ST6GAL1: variants seen among roughly 807,000 people sequenced by gnomAD.
ST6GAL1 encodes beta-galactoside alpha-2,6-sialyltransferase 1.
ST6GAL1 carries 20 observed loss-of-function variants against 38.0 expected under a neutral mutation model. That is an observed-to-expected ratio of 0.53 (90% confidence interval 0.37 to 0.77). The LOEUF (loss-of-function observed/expected upper bound fraction) is 0.77, where lower values mean the gene tolerates loss of function less well. Among genes scored for constraint, ST6GAL1 ranks in the 30% least tolerant of loss-of-function variants. The pLI is 0.00. For missense variants in ST6GAL1, 432 were observed against 496.4 expected, an observed-to-expected ratio of 0.87 and a Z score of 1.23; for synonymous variants, 196 against 188.2, an observed-to-expected ratio of 1.04 and a Z score of -0.34.
At chr3:187,036,444 G>A (rs182661529) in intron 2 of ST6GAL1, among the ~76,000 whole-genome samples, 3 of 152,324 alleles carry the variant, frequency 2.0e-5, no homozygotes, top group East Asian at 3.9e-4. Context: ...AAAGAGACAT[G>A]CACTTGTGTG....
intron 2 of ST6GAL1, among the ~76,000 whole-genome samples, chr3:187,035,228 A>G (rs933051862): frequency 1.3e-5 from 2 of 152,238 alleles, no homozygotes; most frequent in Admixed American, 1.3e-4. Flanking sequence ...GAGAACTACA[A>G]AACTTTGCTG....
At chr3:186,967,588 C>T (rs1407253098) in intron 2 of ST6GAL1, among the ~76,000 whole-genome samples, 1 of 152,134 alleles carries the variant, frequency 6.6e-6, no homozygotes, top group Non-Finnish European at 1.5e-5. Context: ...TACTGAGGGA[C>T]AGGGCTGAGG....
intron 2 of ST6GAL1, among the ~76,000 whole-genome samples, chr3:186,983,849 T>A (rs1290062136): frequency 1.3e-5 from 2 of 152,046 alleles, no homozygotes; most frequent in Admixed American, 6.6e-5. Context: ...TGCAGCTGGG[T>A]GGAGAAAAAT....
At chr3:186,958,140 C>T (rs560862118) in intron 1 of ST6GAL1, among the ~76,000 whole-genome samples, 1 of 151,520 alleles carries the variant, frequency 6.6e-6, no homozygotes, top group South Asian at 2.1e-4. Context: ...GGGCTGAATT[C>T]GTGACAAGTA....
intron 1 of ST6GAL1, among the ~76,000 whole-genome samples, chr3:186,942,968 G>A (rs917754364): frequency 6.6e-6 from 1 of 152,204 alleles, no homozygotes; most frequent in African/African-American, 2.4e-5. Context: ...CTCCCAAAGT[G>A]CTGGGATCAC....
Sources: allele counts gnomAD v4.1 joint callset (sites outside exome capture counted in the v4.1 genomes callset), GRCh38; gene constraint gnomAD v4.1.1; transcripts MANE v1.5; gene names NCBI Gene and HGNC (gene_info 2026-07-23, HGNC 2026-07-21).